Variants in DOK2 observed in about 807,000 individuals in gnomAD.
The protein encoded by DOK2 is docking protein 2, 56kD.
In DOK2, 28 loss-of-function variants were observed where a neutral mutation model predicts 26.0. That is an observed-to-expected ratio of 1.08 (90% confidence interval 0.80 to 1.48). The LOEUF is 1.48. Among genes scored for constraint, DOK2 ranks in the 40% most tolerant of loss-of-function variants. The pLI is 0.00. For synonymous variants in DOK2, 282 were observed against 236.9 expected, an observed-to-expected ratio of 1.19 and a Z score of -1.75; for missense variants, 682 against 558.2, an observed-to-expected ratio of 1.22 and a Z score of -2.23.
chr8:21,912,035 C>G (rs1314104504), intron 2 of DOK2, 47 bp from the exon 3 acceptor site: 1 of 1,521,468 alleles, frequency 6.6e-7, no homozygotes, highest in Non-Finnish European at 8.8e-7. Flanking sequence ...ATCCCCAGGC[C>G]CCCCTCTGGC....
chr8:21,912,062 G>T, intron 2 of DOK2, 74 bp from the exon 3 acceptor site: 1 of 1,504,358 alleles, frequency 6.6e-7, no homozygotes, highest in South Asian at 1.3e-5. Flanking sequence ...CTTCTTTCAG[G>T]CCACCTCAAC....
chr8:21,909,952 G>A (rs1227125345), intron 4 of DOK2, 21 bp from the exon 5 acceptor site: 8 of 1,596,618 alleles, frequency 5.0e-6, no homozygotes, highest in African/African-American at 1.3e-5. Flanking sequence ...GAGAAAGCAG[G>A]TTATTGGCCA....
rs372534431 is a variant in DOK2 at position 21,909,531 on chromosome 8, C to G, written c.1019G>C (p.Arg340Pro). Residue 340 changes from arginine to proline, a missense_variant, in exon 5 of 5, where the codon CGA becomes CCA. Transcript: ENST00000276420. ...GGGCTCATCGTATATGTGGTCAGGTCGAGGGGGCAGGGTCTCCTCAATGCT... is the reference window on the plus strand; with the variant it reads ...GGGCTCATCGTATATGTGGTCAGGTGGAGGGGGCAGGGTCTCCTCAATGCT... ...YDSIEETLPP[R>P]PDHIYDEPEG... is the part of the protein sequence containing the mutation. The G allele has an allele frequency of 6.2e-7, 1 of 1,614,096 alleles. No individual in the cohort carries two copies. The highest frequency in any genetic ancestry group is 1.7e-5 in the Admixed American group (1 of 60,024).
At chr8:21,912,165 A>G (rs746491737) in intron 2 of DOK2, 64 bp downstream of exon 2, 126 of 1,483,198 alleles carry the variant, frequency 8.5e-5, no homozygotes, top group Non-Finnish European at 1.1e-4. Context: ...ACTTGCCCAC[A>G]GGAAGTATCT....
rs546586223 is a variant in DOK2 at position 21,910,690 on chromosome 8, G to A, written c.601C>T (p.Arg201Cys). The A allele has an allele frequency of 5.4e-5, 87 of 1,613,918 alleles. No individual in the cohort carries two copies. The highest frequency in any genetic ancestry group is 6.7e-5 in the East Asian group (3 of 44,864). ...LYDWPYRFLR[R>C]FGRDKVTFSF... is the part of the protein sequence containing the mutation. Reference sequence around the variant, plus strand: ...CCACTCACCTTGTCCCGCCCAAAGCGCCGCAGAAACCTGTAGGGCCAGTCG... The same window carrying A: ...CCACTCACCTTGTCCCGCCCAAAGCACCGCAGAAACCTGTAGGGCCAGTCG... Residue 201 changes from arginine (R) to cysteine (C), a missense_variant, in exon 4 of 5, where the codon CGC becomes TGC. Coordinates refer to ENST00000276420, the MANE Select transcript of DOK2 (RefSeq NM_003974.4).
Position 21,910,844 on chromosome 8 carries a change from CT to C in DOK2, c.446del (p.Lys149ArgfsTer5), listed in dbSNP as rs759689010. 4.4e-6 allele frequency: 7 copies of C among 1,605,430 alleles called. No homozygotes were observed. The highest frequency in any genetic ancestry group is 6.0e-6 in the Non-Finnish European group (7 of 1,175,508). ...YSSAVTVGPH[K>X]EFAVTMRPTE... The stretch of plus-strand genomic sequence containing the variant: ...TAGGTCTCATGGTCACAGCAAATTC[CT>C]TGTGGGGGCCGACTGGGGAGAAGAA... On this transcript the variant is annotated frameshift_variant, in exon 4 of 5. Transcript: ENST00000276420. LOFTEE classifies it high-confidence loss of function.
chr8:21,913,234 G>C (rs999744821), intron 1 of DOK2, among the ~76,000 whole-genome samples: 3 of 152,152 alleles, frequency 2.0e-5, no homozygotes, highest in Non-Finnish European at 4.4e-5. Context: ...CAAGGTGTCC[G>C]GTGAAAAGAA....
rs368212361 is a variant in DOK2 at position 21,913,620 on chromosome 8, C to A, written c.-19G>T. The A allele has an allele frequency of 2.9e-5, 47 of 1,613,532 alleles. 1 individual carries two copies. The African/African-American group carries it at 4.9e-4, about 17-fold the overall frequency. On this transcript the variant is annotated 5_prime_UTR_variant, in exon 1 of 5. Coordinates refer to ENST00000276420, the MANE Select transcript of DOK2 (RefSeq NM_003974.4). ...CTCCCATCCTCTGACCATCTCGGAG[C>A]CCCAGGCTTCAGCTCTCTCCTTCAC...
Position 21,909,204 on chromosome 8 carries a change from C to T in DOK2, c.*107G>A, listed in dbSNP as rs1387371123. 1.5e-6 allele frequency: 2 copies of T among 1,373,364 alleles called. No homozygotes were observed. The highest frequency in any genetic ancestry group is 2.0e-6 in the Non-Finnish European group (2 of 1,013,540). 85.1% of individuals were successfully genotyped at this position (1,373,364 alleles called of 1,614,324 possible). ...TTTATCAGCCCCAACGAAGACAGGC[C>T]AGGCCTCGGGCTCCAGAAGGGGCAG... On this transcript the variant is annotated 3_prime_UTR_variant, in exon 5 of 5. Transcript: ENST00000276420.
At chr8:21,913,001 T>TGA (rs1237010174) in intron 1 of DOK2, among the ~76,000 whole-genome samples, 2 of 152,092 alleles carry the variant, frequency 1.3e-5, no homozygotes, top group South Asian at 2.1e-4. Flanking sequence ...GGTTGGGCCA[T>TGA]GAGAGAGAGA....
intron 3 of DOK2, chr8:21,911,201 G>C (rs1201979875): frequency 1.5e-5 from 4 of 265,396 alleles, no homozygotes; most frequent in Non-Finnish European, 2.2e-5. Flanking sequence ...AGTCCCTACG[G>C]TCACAGCTGC....
In DOK2 at chr8:21,909,057, C is replaced by G. The variant is rs973175580; in HGVS notation, c.*254G>C. On this transcript the variant is annotated 3_prime_UTR_variant, in exon 5 of 5. Transcript: ENST00000276420. The stretch of plus-strand genomic sequence containing the variant: ...TCCTCTGCCCTAAATGCCCCAGGTT[C>G]CTCCTCAGCTGGGGAAAGAAAGAGG... 1 of 397,736 alleles carries G rather than the reference C, an allele frequency of 2.5e-6. No homozygotes were observed. The highest frequency in any genetic ancestry group is 4.5e-6 in the Non-Finnish European group (1 of 222,732). 24.6% of individuals were successfully genotyped at this position (397,736 alleles called of 1,614,324 possible).
intron 3 of DOK2, among the ~76,000 whole-genome samples, chr8:21,911,422 C>A (rs915026703): frequency 3.3e-5 from 5 of 152,128 alleles, no homozygotes; most frequent in African/African-American, 1.2e-4. Context: ...GCCTGGCCAA[C>A]ATGGTGAAAC....
chr8:21,913,554 C>G lies in DOK2; in HGVS notation c.48G>C (p.Gln16His). ...VKQGFLYLQQ[Q>H]QTFGKKWRRF... ...TCACTCCTACCTTTCCAAACGTCTGCTGCTGCTGAAGATACAAGAAGCCTT... is the reference window on the plus strand; with the variant it reads ...TCACTCCTACCTTTCCAAACGTCTGGTGCTGCTGAAGATACAAGAAGCCTT... Residue 16 changes from glutamine (Q) to histidine (H), a missense_variant, in exon 1 of 5, where the codon CAG (glutamine) becomes CAC (histidine). Gln to His is a conservative substitution (Grantham distance 24, BLOSUM62 0). Transcript: ENST00000276420. 1 of 1,614,086 alleles carries G rather than the reference C, an allele frequency of 6.2e-7. No homozygotes were observed. The highest frequency in any genetic ancestry group is 8.5e-7 in the Non-Finnish European group (1 of 1,180,006).
Position 21,912,219 on chromosome 8 carries a change from C to T in DOK2, c.345+10G>A. On this transcript the variant is annotated intron_variant, in intron 2 of 4. Transcript: ENST00000276420. ...GCCCCCTTGCCCTTTCCGCACCCCG[C>T]GCGACTCACGGGGAAGGCCAGGAGG... 6.5e-7 allele frequency: 1 copy of T among 1,548,250 alleles called. No individual in the cohort carries two copies. The highest frequency in any genetic ancestry group is 8.7e-7 in the Non-Finnish European group (1 of 1,150,236).
At chr8:21,910,952 T>C in intron 3 of DOK2, 95 bp from the exon 4 acceptor site, 1 of 1,363,330 alleles carries the variant, frequency 7.3e-7, no homozygotes, top group Non-Finnish European at 9.8e-7. Context: ...TACCAGAACT[T>C]TTCTAGAAAG....
In DOK2 at chr8:21,912,361, G is replaced by A. The variant is rs749348418; in HGVS notation, c.213C>T (p.Ala71=). 3.7e-6 allele frequency: 6 copies of A among 1,606,942 alleles called. No individual in the cohort carries two copies. Among genetic ancestry groups the A allele is most frequent in the Non-Finnish European group, 4.2e-6 (5 of 1,178,244 alleles). The change falls in exon 2 of 5, where the codon GCC becomes GCT. Residue 71 remains alanine (A), a synonymous_variant. Coordinates refer to ENST00000276420, the MANE Select transcript of DOK2 (RefSeq NM_003974.4). ...RLSDCLRVAE[A]GGEASSPRDT... ...CCCGGGGGCTGCTGGCCTCTCCGCC[G>A]GCCTCGGCCACCCGCAGGCAGTCAC...
At chr8:21,910,987 C>T (rs1406889953) in intron 3 of DOK2, 130 bp from the exon 4 acceptor site, 2 of 1,095,758 alleles carry the variant, frequency 1.8e-6, no homozygotes, top group Non-Finnish European at 2.5e-6. Context: ...TTATGGCCCC[C>T]TGCCTGGGTC....
At chr8:21,911,096 C>T in intron 3 of DOK2, 1 of 539,400 alleles carries the variant, frequency 1.9e-6, no homozygotes. Flanking sequence ...CCACATCCAC[C>T]CCAACCTCGT....
Sources: gnomAD v4.1 joint callset for allele counts (sites outside exome capture counted in the v4.1 genomes callset) on GRCh38, gnomAD v4.1.1 for gene constraint, MANE v1.5 for transcripts, NCBI Gene and HGNC (gene_info 2026-07-23, HGNC 2026-07-21) for gene names.